The following SERGEF variants were observed in gnomAD, a reference collection of about 807,000 sequenced individuals.
The protein encoded by SERGEF is secretion regulating guanine nucleotide exchange factor.
Under a neutral mutation model 50.0 loss-of-function variants are expected in SERGEF, and 51 were observed. The observed-to-expected ratio is 1.02, with a 90% confidence interval of 0.81 to 1.29. SERGEF has a LOEUF of 1.29. SERGEF is among the 50% of genes most tolerant of loss of function. SERGEF has a pLI of 0.00. For synonymous variants in SERGEF, 205 were observed against 212.4 expected (o/e 0.97, Z 0.30); for missense variants, 521 against 557.0 (o/e 0.94, Z 0.65).
chr11:17,832,962 C>G (rs1244823088), intron 10 of SERGEF, among the ~76,000 whole-genome samples: 1 of 152,168 alleles, frequency 6.6e-6, no homozygotes, highest in Non-Finnish European at 1.5e-5. Flanking sequence ...AAACACCTGA[C>G]ATTTTCCAGC....
At chr11:18,010,962 T>A (rs1854182129) in intron 1 of SERGEF, among the ~76,000 whole-genome samples, 1 of 152,156 alleles carries the variant, frequency 6.6e-6, no homozygotes, top group Non-Finnish European at 1.5e-5. Flanking sequence ...AAAAGTAACA[T>A]GACACATGGG....
At chr11:18,012,818 C>A in intron 1 of SERGEF, 133 bp downstream of exon 1, 3 of 1,513,246 alleles carry the variant, frequency 2.0e-6, no homozygotes, top group Non-Finnish European at 1.8e-6. Flanking sequence ...CGCTCCCAGC[C>A]CAGGATCCTT....
Position 17,988,694 on chromosome 11 carries a change from A to C in SERGEF, c.747T>G (p.Ala249=), listed in dbSNP as rs139462392. The C allele has an allele frequency of 6.2e-7, 1 of 1,614,032 alleles. No homozygotes were observed. The highest frequency in any genetic ancestry group is 1.3e-5 in the African/African-American group (1 of 74,910). The change falls in exon 8 of 11, where the codon GCT becomes GCG. Residue 249 remains alanine (A), a synonymous_variant. Transcript: ENST00000265965. ...CTATTTTCTGGGGCACAGGAAGGAA[A>C]GCAGCCTCATTAGCCAGTTGCCCAT... The part of the protein sequence containing the change: ...NKHGQLANEA[A]FLPVPQKIEA...
chr11:17,999,417 A>T, intron 5 of SERGEF: 1 of 289,134 alleles, frequency 3.5e-6, no homozygotes, highest in Non-Finnish European at 6.9e-6. Flanking sequence ...CAAAATAAAA[A>T]GTTGAATTTT....
chr11:17,874,117 A>C, intron 10 of SERGEF: 1 of 152,564 alleles, frequency 6.6e-6, no homozygotes, highest in Non-Finnish European at 1.5e-5. Flanking sequence ...GTGGAAAGAA[A>C]TCCTAGGTGG....
intron 5 of SERGEF, among the ~76,000 whole-genome samples, chr11:17,998,805 C>T (rs1028925543): frequency 2.1e-5 from 3 of 144,758 alleles, no homozygotes; most frequent in Non-Finnish European, 4.5e-5. Context: ...AAGAACCGAG[C>T]AAGAAGGTGG....
chr11:18,004,638 T>A, intron 3 of SERGEF, 103 bp from the exon 4 acceptor site: 1 of 758,976 alleles, frequency 1.3e-6, no homozygotes, highest in Non-Finnish European at 2.3e-6. Context: ...TGAGGGGAAG[T>A]GCTTCAGTGC....
intron 9 of SERGEF, among the ~76,000 whole-genome samples, chr11:17,954,409 C>T (rs1852824965): frequency 6.6e-6 from 1 of 152,196 alleles, no homozygotes; most frequent in Non-Finnish European, 1.5e-5. Context: ...TTTACACAAG[C>T]ATTCAAGTGG....
intron 10 of SERGEF, among the ~76,000 whole-genome samples, chr11:17,840,410 C>G (rs1448997253): frequency 6.6e-6 from 1 of 152,268 alleles, no homozygotes; most frequent in Admixed American, 6.5e-5. Flanking sequence ...ATGAGTCACA[C>G]CTCTGCCCAC....
At chr11:17,790,625 T>A (rs1321508879) in intron 10 of SERGEF, among the ~76,000 whole-genome samples, 7 of 152,336 alleles carry the variant, frequency 4.6e-5, no homozygotes, top group Middle Eastern at 3.4e-3. Flanking sequence ...TCTTTGAACA[T>A]ATCTCCTTGT....
chr11:17,923,516 C>T (rs765203777), intron 9 of SERGEF, among the ~76,000 whole-genome samples: 2 of 152,216 alleles, frequency 1.3e-5, no homozygotes, highest in East Asian at 1.9e-4. Context: ...GAAACCTTCA[C>T]ACTCTCATGC....
At chr11:17,832,025 C>G (rs1850317181) in intron 10 of SERGEF, among the ~76,000 whole-genome samples, 1 of 152,222 alleles carries the variant, frequency 6.6e-6, no homozygotes, top group African/African-American at 2.4e-5. Context: ...ATATCTGAAG[C>G]TAGAAGATCT....
intron 8 of SERGEF, among the ~76,000 whole-genome samples, chr11:17,987,282 T>G (rs1853620869): frequency 6.6e-6 from 1 of 152,152 alleles, no homozygotes; most frequent in African/African-American, 2.4e-5. Flanking sequence ...AAGAGTTTGA[T>G]GCAGGAAAAT....
chr11:17,844,327 G>A (rs953721056), intron 10 of SERGEF, among the ~76,000 whole-genome samples: 2 of 152,074 alleles, frequency 1.3e-5, no homozygotes, highest in Non-Finnish European at 1.5e-5. Flanking sequence ...TATGTTTACT[G>A]AAAAATGACT....
At chr11:17,964,543 T>C (rs2133975805) in intron 8 of SERGEF, among the ~76,000 whole-genome samples, 1 of 152,308 alleles carries the variant, frequency 6.6e-6, no homozygotes, top group Non-Finnish European at 1.5e-5. Flanking sequence ...ATAATGTCAC[T>C]GAAGATAGCA....
chr11:18,006,531 T>A, intron 3 of SERGEF, 60 bp downstream of exon 3: 1 of 1,495,994 alleles, frequency 6.7e-7, no homozygotes, highest in East Asian at 2.3e-5. Context: ...GTCACCATCA[T>A]CATACTGTTC....
intron 10 of SERGEF, among the ~76,000 whole-genome samples, chr11:17,814,706 C>T (rs909804179): frequency 2.0e-5 from 3 of 152,170 alleles, no homozygotes; most frequent in Non-Finnish European, 1.5e-5. Context: ...CATGTATCAC[C>T]CTAGGTCTGT....
chr11:17,966,101 C>G (rs1853117664), intron 8 of SERGEF, among the ~76,000 whole-genome samples: 1 of 152,068 alleles, frequency 6.6e-6, no homozygotes. Context: ...GGGTCAATGC[C>G]TCTAATGATA....
At chr11:17,913,064 T>G (rs1192078278) in intron 9 of SERGEF, among the ~76,000 whole-genome samples, 1 of 152,248 alleles carries the variant, frequency 6.6e-6, no homozygotes, top group East Asian at 1.9e-4. Flanking sequence ...CAGCCCTGGC[T>G]AAACAGACAG....
Sources: gnomAD v4.1 joint callset for allele counts (sites outside exome capture counted in the v4.1 genomes callset) on GRCh38, gnomAD v4.1.1 for gene constraint, MANE v1.5 for transcripts, NCBI Gene and HGNC (gene_info 2026-07-23, HGNC 2026-07-21) for gene names.